The following SHC4 variants were observed in gnomAD, a reference collection of about 807,000 sequenced individuals.
SHC4 encodes SHC adaptor protein 4.
A neutral mutation model predicts 69.4 loss-of-function variants in SHC4; 41 were observed. The observed-to-expected ratio is 0.59, with a 90% confidence interval of 0.46 to 0.77. The LOEUF is 0.77. SHC4 is among the 30% of genes least tolerant of loss of function. SHC4 has a pLI of 0.00. For synonymous variants in SHC4, 318 were observed against 299.3 expected (o/e 1.06, Z -0.64); for missense variants, 777 against 783.8 (o/e 0.99, Z 0.10).
At chr15:48,829,823 G>A (rs1795000102) in intron 11 of SHC4, among the ~76,000 whole-genome samples, 1 of 152,204 alleles carries the variant, frequency 6.6e-6, no homozygotes, top group Admixed American at 6.5e-5. Context: ...GGAGGCTGAG[G>A]CAGAAGAATC....
chr15:48,882,007 T>G (rs1471393081), intron 4 of SHC4, among the ~76,000 whole-genome samples: 6 of 152,196 alleles, frequency 3.9e-5, no homozygotes, highest in African/African-American at 1.4e-4. Flanking sequence ...AACCTTTGTT[T>G]TCAGTCCAAA....
At chr15:48,950,614 G>A (rs1901350836) in intron 1 of SHC4, among the ~76,000 whole-genome samples, 1 of 152,158 alleles carries the variant, frequency 6.6e-6, no homozygotes, top group Admixed American at 6.6e-5. Flanking sequence ...AACTGCAGTG[G>A]GGATGGAGGG....
chr15:48,917,243 TTGTGTGTGTG>T (rs3985853), intron 2 of SHC4, among the ~76,000 whole-genome samples: 5,975 of 137,154 alleles, frequency 0.044, 148 homozygotes, highest in African/African-American at 0.05. Context: ...ACCTGATTTC[TTGTGTGTGTG>T]TGTGTGTGTG....
At chr15:48,959,031 A>G (rs994789861) in intron 1 of SHC4, among the ~76,000 whole-genome samples, 7 of 152,242 alleles carry the variant, frequency 4.6e-5, no homozygotes, top group African/African-American at 1.7e-4. Context: ...CAGCTATATA[A>G]TTTATTCTAC....
intron 1 of SHC4, among the ~76,000 whole-genome samples, chr15:48,939,518 G>T (rs985117046): frequency 6.6e-6 from 1 of 152,172 alleles, no homozygotes; most frequent in African/African-American, 2.4e-5. Context: ...TTAACCATCT[G>T]CCCACACAAT....
intron 1 of SHC4, among the ~76,000 whole-genome samples, chr15:48,961,240 C>G (rs1040541075): frequency 6.6e-6 from 1 of 152,190 alleles, no homozygotes; most frequent in Non-Finnish European, 1.5e-5. Context: ...TTACTTTCAG[C>G]AAGTCATGCC....
intron 9 of SHC4, among the ~76,000 whole-genome samples, chr15:48,850,909 C>CAG (rs1899199642): frequency 6.6e-6 from 1 of 152,226 alleles, no homozygotes; most frequent in East Asian, 1.9e-4. Context: ...AGCACCTTTC[C>CAG]AGAGAGAGAG....
chr15:48,936,508 C>T (rs559847765), intron 1 of SHC4, among the ~76,000 whole-genome samples: 30 of 152,232 alleles, frequency 2.0e-4, no homozygotes, highest in Admixed American at 1.3e-3. Flanking sequence ...TCCATTGTCT[C>T]CATCCCCAAG....
intron 2 of SHC4, among the ~76,000 whole-genome samples, chr15:48,904,459 G>A (rs1900370718): frequency 6.6e-6 from 1 of 152,196 alleles, no homozygotes; most frequent in African/African-American, 2.4e-5. Flanking sequence ...ACTAGAAAGA[G>A]GTTAAAGCTC....
At chr15:48,878,614 G>C (rs745710358) in intron 4 of SHC4, 3 of 1,614,070 alleles carry the variant, frequency 1.9e-6, no homozygotes, top group Non-Finnish European at 2.5e-6. Flanking sequence ...TGGATGGCGG[G>C]TTTCAGATGC....
At chr15:48,906,610 G>T (rs563304481) in intron 2 of SHC4, among the ~76,000 whole-genome samples, 1 of 152,196 alleles carries the variant, frequency 6.6e-6, no homozygotes, top group African/African-American at 2.4e-5. Context: ...AGCCTCAATC[G>T]CCATATTTAC....
Position 48,962,828 on chromosome 15 carries a change from AGG to A in SHC4, c.186_187del (p.Leu63GlyfsTer7). ...ATCTTCAGTCGGCAGGTGAGGTGCC[AGG>A]GCGGGGTGGGGAGGCTGCGGCGAGC... On this transcript the variant is annotated frameshift_variant, in exon 1 of 12. Transcript: ENST00000332408. LOFTEE classifies it high-confidence loss of function. 1.3e-6 allele frequency: 2 copies of A among 1,489,990 alleles called. No individual in the cohort carries two copies. The highest frequency in any genetic ancestry group is 2.2e-5 in the South Asian group (2 of 89,214). The allele number at this position is 1,489,990 out of a possible 1,614,324, so 92.3% of individuals were successfully genotyped here. A position where few individuals can be genotyped will look rare whatever the true frequency, so the allele number is the denominator to read the frequency against.
chr15:48,849,296 G>C (rs555036902), intron 9 of SHC4, among the ~76,000 whole-genome samples: 22 of 151,898 alleles, frequency 1.4e-4, no homozygotes, highest in African/African-American at 5.1e-4. Context: ...TCTGTGCCTG[G>C]ATAATTCCCA....
At chr15:48,938,112 G>A (rs1439883664) in intron 1 of SHC4, 1 of 152,188 alleles carries the variant, frequency 6.6e-6, no homozygotes, top group African/African-American at 2.4e-5. Context: ...GTTGGAGAAA[G>A]TCTTTAACCT....
At chr15:48,947,526 G>T (rs1179800242) in intron 1 of SHC4, among the ~76,000 whole-genome samples, 6 of 152,150 alleles carry the variant, frequency 3.9e-5, no homozygotes, top group Non-Finnish European at 8.8e-5. Context: ...AAAAGTCATT[G>T]CTTGTCATCC....
chr15:48,905,048 G>A (rs994288175), intron 2 of SHC4, among the ~76,000 whole-genome samples: 1 of 151,672 alleles, frequency 6.6e-6, no homozygotes. Flanking sequence ...TTCTTGTTTT[G>A]GAATTTGGCC....
chr15:48,879,477 A>G (rs1595743244), intron 4 of SHC4: 12 of 167,112 alleles, frequency 7.2e-5, no homozygotes. Flanking sequence ...AAATCTAGAC[A>G]CTAAATGTGT....
chr15:48,866,769 T>C (rs960490532), intron 6 of SHC4, among the ~76,000 whole-genome samples: 8 of 152,214 alleles, frequency 5.3e-5, no homozygotes, highest in Non-Finnish European at 1.0e-4. Context: ...TCAAGTCCTA[T>C]TCCATGTCCA....
chr15:48,826,321 G>A (rs1302407790), intron 11 of SHC4, among the ~76,000 whole-genome samples, 195 bp from the exon 12 acceptor site: 9 of 150,274 alleles, frequency 6.0e-5, no homozygotes, highest in South Asian at 2.1e-4. Context: ...GCACGATCTC[G>A]ACTCACTGCA....
Sources: gnomAD v4.1 joint callset for allele counts (sites outside exome capture counted in the v4.1 genomes callset) on GRCh38, gnomAD v4.1.1 for gene constraint, MANE v1.5 for transcripts, NCBI Gene and HGNC (gene_info 2026-07-23, HGNC 2026-07-21) for gene names.